Variants in DSC3 observed in about 807,000 individuals in gnomAD.
DSC3 encodes the protein desmocollin 3.
DSC3 carries 97 observed loss-of-function variants against 89.5 expected under a neutral mutation model. The ratio of observed to expected loss-of-function variants is 1.08; its 90% CI spans 0.92 to 1.28. The LOEUF is 1.28. Among genes scored for constraint, DSC3 ranks in the 50% most tolerant of loss-of-function variants. The pLI, the probability that DSC3 is intolerant of heterozygous loss-of-function variation, is 0.00. For synonymous variants in DSC3, 436 were observed against 384.1 expected, an observed-to-expected ratio of 1.14 and a Z score of -1.58; for missense variants, 1,199 against 1,085.3, an observed-to-expected ratio of 1.10 and a Z score of -1.47.
chr18:31,014,676 G>A (rs972482317), intron 9 of DSC3, among the ~76,000 whole-genome samples: 58 of 152,246 alleles, frequency 3.8e-4, no homozygotes, highest in African/African-American at 1.4e-3. Flanking sequence ...GTTAATTTGT[G>A]TTTAACATGA....
At chr18:31,038,553 T>C (rs892686331) in intron 1 of DSC3, among the ~76,000 whole-genome samples, 1 of 152,200 alleles carries the variant, frequency 6.6e-6, no homozygotes, top group Admixed American at 6.5e-5. Flanking sequence ...TCATTCCTAA[T>C]ATTGTTTTAT....
At chr18:31,010,306 C>G (rs1294282112) in intron 9 of DSC3, among the ~76,000 whole-genome samples, 1 of 152,154 alleles carries the variant, frequency 6.6e-6, no homozygotes, top group Non-Finnish European at 1.5e-5. Flanking sequence ...AATACTGTTT[C>G]ACACATTTCA....
At position 30,993,930 on chromosome 18, in the gene DSC3, C is replaced by A; in HGVS notation, c.*245G>T. The A allele has an allele frequency of 5.6e-6, 2 of 357,148 alleles. No individual in the cohort carries two copies. Among genetic ancestry groups the A allele is most frequent in the Non-Finnish European group, 5.2e-6 (1 of 193,874 alleles). 22.1% of individuals were successfully genotyped at this position (357,148 alleles called of 1,614,324 possible). ...AAATATCCGTAAAAAAAAAAAAGAG[C>A]AGATGCTTTAGAGACCTTAATTCCA... On this transcript the variant is annotated 3_prime_UTR_variant, in exon 16 of 16. Coordinates refer to ENST00000360428, the MANE Select transcript of DSC3 (RefSeq NM_001941.5).
chr18:31,018,327 A>G, intron 8 of DSC3, 71 bp from the exon 9 acceptor site: 2 of 1,165,480 alleles, frequency 1.7e-6, no homozygotes, highest in Non-Finnish European at 2.4e-6. Context: ...AGTTTCTTCC[A>G]TTCCAAAAAT....
Position 31,004,254 on chromosome 18 carries a change from A to T in DSC3, c.2001T>A (p.Asn667Lys). The T allele has an allele frequency of 1.2e-6, 2 of 1,614,034 alleles. No homozygotes were observed. The highest frequency in any genetic ancestry group is 8.5e-7 in the Non-Finnish European group (1 of 1,179,926). Residue 667 changes from asparagine to lysine, a missense_variant, in exon 13 of 16, where the codon AAT (asparagine) becomes AAA (lysine). Transcript: ENST00000360428. Reference sequence around the variant, plus strand: ...GAGTTGGATGAGTACATTCACACAGATTAACTCTCAATAATTTTGTTGCAG... The same window carrying T: ...GAGTTGGATGAGTACATTCACACAGTTTAACTCTCAATAATTTTGTTGCAG... ...GQAATKLLRV[N>K]LCECTHPTQC...
At position 31,019,655 on chromosome 18, in the gene DSC3, T is replaced by C. The variant is rs80238795; in HGVS notation, c.943-855A>G. ...AAAAAAATAAAAATTTAGCTGGGCA[T>C]GGTGGTATGTGTCCGTACTCCCAAG... On this transcript the variant is annotated intron_variant, in intron 7 of 15. Transcript: ENST00000360428. 9.2e-4 allele frequency among the ~76,000 whole-genome samples: 140 copies of C among 152,200 alleles called. 3 individuals carry two copies. In the East Asian group the frequency reaches 0.026, roughly 29 times the overall value.
intron 15 of DSC3, chr18:30,994,640 C>G: frequency 1.8e-6 from 1 of 567,484 alleles, no homozygotes; most frequent in Non-Finnish European, 3.0e-6. Context: ...TCATTAAATG[C>G]TTATCCCTAA....
chr18:31,015,988 A>G (rs1254736642), intron 9 of DSC3, among the ~76,000 whole-genome samples: 1 of 152,184 alleles, frequency 6.6e-6, no homozygotes, highest in Non-Finnish European at 1.5e-5. Context: ...GTTGACCTCA[A>G]TGCTCATTAT....
rs2144716797 is a variant in DSC3, at chr18:31,022,497, T to G, written c.781A>C (p.Thr261Pro). 2 of 1,614,034 alleles carry G rather than the reference T, an allele frequency of 1.2e-6. No individual in the cohort carries two copies. Among genetic ancestry groups the G allele is most frequent in the East Asian group, 4.5e-5 (2 of 44,876 alleles). ...EVLESSRPGT[T>P]VGVVCATDRD... is the part of the protein sequence containing the mutation. ...TCTGTGGCACAAACCACCCCCACTG[T>G]AGTACCTACACATTAAAAAATAAAA... Residue 261 changes from threonine (T) to proline (P), a missense_variant, in exon 7 of 16, where the codon ACA (threonine) becomes CCA (proline). Physicochemically the swap from Thr to Pro is conservative, Grantham distance 38. Coordinates refer to ENST00000360428, the MANE Select transcript of DSC3 (RefSeq NM_001941.5).
chr18:30,989,849 T>A lies in DSC3; in HGVS notation c.*4326A>T, dbSNP rs1397557934. 6.6e-6 allele frequency among the ~76,000 whole-genome samples: 1 copy of A among 152,202 alleles called. No homozygotes were observed. On this transcript the variant is annotated 3_prime_UTR_variant, in exon 16 of 16. Transcript: ENST00000360428. ...TAAATTAAAAATGTTATCAGGTTGA[T>A]AGGTGCAGCAAACCACCATGGGACA...
chr18:31,032,012 T>C (rs1985805968), intron 2 of DSC3, among the ~76,000 whole-genome samples, 180 bp downstream of exon 2: 1 of 152,318 alleles, frequency 6.6e-6, no homozygotes, highest in African/African-American at 2.4e-5. Context: ...TCTTCAGGGC[T>C]GATGACATAT....
chr18:30,989,528 T>C lies in DSC3; in HGVS notation c.*4647A>G, dbSNP rs1984162602. On this transcript the variant is annotated 3_prime_UTR_variant, in exon 16 of 16. Coordinates refer to ENST00000360428, the MANE Select transcript of DSC3 (RefSeq NM_001941.5). ...AAAATGTTCCAGAACTAGATAGTGGTAACAGTTTCACAACATTTTAAATGT... is the reference window on the plus strand; with the variant it reads ...AAAATGTTCCAGAACTAGATAGTGGCAACAGTTTCACAACATTTTAAATGT... 6.6e-6 allele frequency among the ~76,000 whole-genome samples: 1 copy of C among 152,162 alleles called. No individual in the cohort carries two copies. The highest frequency in any genetic ancestry group is 1.5e-5 in the Non-Finnish European group (1 of 68,026).
intron 1 of DSC3, among the ~76,000 whole-genome samples, chr18:31,039,758 T>G (rs1457940563): frequency 6.6e-6 from 1 of 152,166 alleles, no homozygotes; most frequent in Non-Finnish European, 1.5e-5. Flanking sequence ...GAGCTTACAT[T>G]TATTTATTCA....
chr18:31,014,247 T>G (rs1030204659), intron 9 of DSC3, among the ~76,000 whole-genome samples: 1 of 151,978 alleles, frequency 6.6e-6, no homozygotes, highest in African/African-American at 2.4e-5. Flanking sequence ...ATATTTCCAA[T>G]GTATATATAA....
chr18:30,997,747 A>G (rs1984524824), intron 14 of DSC3, among the ~76,000 whole-genome samples: 1 of 152,228 alleles, frequency 6.6e-6, no homozygotes, highest in Non-Finnish European at 1.5e-5. Flanking sequence ...TTACAAGAGC[A>G]CAGAAGTAGA....
chr18:31,042,466 A>AC, intron 1 of DSC3, 126 bp downstream of exon 1: 1 of 961,926 alleles, frequency 1.0e-6, no homozygotes, highest in Non-Finnish European at 1.6e-6. Flanking sequence ...CTGCTACCAG[A>AC]CCCGCAGCAT....
intron 5 of DSC3, 63 bp from the exon 6 acceptor site, chr18:31,024,556 T>C (rs1276614303): frequency 3.2e-6 from 5 of 1,547,598 alleles, no homozygotes; most frequent in East Asian, 4.6e-5. Flanking sequence ...AATAAGATGC[T>C]TTATCTACTA....
intron 12 of DSC3, among the ~76,000 whole-genome samples, chr18:31,004,773 A>G (rs1449277869): frequency 2.6e-5 from 4 of 152,184 alleles, no homozygotes; most frequent in East Asian, 3.8e-4. Context: ...CGCACTATTC[A>G]TATGGATAAG....
intron 4 of DSC3, among the ~76,000 whole-genome samples, chr18:31,026,278 C>T (rs1420927935): frequency 8.9e-6 from 1 of 111,866 alleles, no homozygotes; most frequent in Non-Finnish European, 2.0e-5. Context: ...GTAGAAAAAG[C>T]ATGGAAAAAA....
Sources: allele counts gnomAD v4.1 joint callset (sites outside exome capture counted in the v4.1 genomes callset), GRCh38; gene constraint gnomAD v4.1.1; transcripts MANE v1.5; gene names NCBI Gene and HGNC (gene_info 2026-07-23, HGNC 2026-07-21).